The following GALNT7 variants were observed in gnomAD, a reference collection of about 807,000 sequenced individuals.
The protein encoded by GALNT7 is N-acetylgalactosaminyltransferase 7.
Under a neutral mutation model 82.1 loss-of-function variants are expected in GALNT7, and 60 were observed. The ratio of observed to expected loss-of-function variants is 0.73; its 90% CI spans 0.59 to 0.91. GALNT7 has a LOEUF of 0.91. Ranked by LOEUF, GALNT7 falls within the 40% of genes least tolerant of loss-of-function variation. The probability of loss-of-function intolerance (pLI) is 0.00; values close to 1 mark genes in which losing one functional copy is unlikely to be tolerated. For synonymous variants in GALNT7, 243 were observed against 275.1 expected (o/e 0.88, Z 1.15); for missense variants, 660 against 804.2 (o/e 0.82, Z 2.17).
intron 2 of GALNT7, among the ~76,000 whole-genome samples, chr4:173,255,238 C>A (rs1734995349): frequency 6.6e-6 from 1 of 152,012 alleles, no homozygotes; most frequent in Non-Finnish European, 1.5e-5. Flanking sequence ...GCCTTCTTAC[C>A]CTTGATAGGT....
chr4:173,311,848 C>T (rs1337220498), intron 8 of GALNT7, among the ~76,000 whole-genome samples: 6 of 152,112 alleles, frequency 3.9e-5, no homozygotes, highest in Admixed American at 3.9e-4. Context: ...AACCCATGGG[C>T]TTTTGTGACA....
chr4:173,286,633 C>G (rs1165836436), intron 2 of GALNT7, among the ~76,000 whole-genome samples: 1 of 152,176 alleles, frequency 6.6e-6, no homozygotes, highest in Non-Finnish European at 1.5e-5. Flanking sequence ...TTTGGGAAGA[C>G]TGGGGGTTGA....
At chr4:173,236,511 C>T (rs142714838) in intron 1 of GALNT7, among the ~76,000 whole-genome samples, 3 of 152,268 alleles carry the variant, frequency 2.0e-5, no homozygotes, top group African/African-American at 7.2e-5. Context: ...CTCATGGCTC[C>T]CATGTAAGAG....
chr4:173,184,275 C>A (rs796635397), intron 1 of GALNT7, among the ~76,000 whole-genome samples: 22 of 152,004 alleles, frequency 1.4e-4, no homozygotes, highest in African/African-American at 4.8e-4. Context: ...TGTAGCGAGC[C>A]GAGATCACGC....
rs768904419 is a variant in GALNT7 at position 173,295,737 on chromosome 4, TTCTTTCACCTGCC to T, written c.886-21_886-9del. ...TATGATGTAACGTATATGAGGAGTA[TTCTTTCACCTGCC>T]TCTTTTTTTTAAGGTTTTGATATAC... is the stretch of plus-strand genomic sequence containing the variant. On this transcript the variant is annotated splice_polypyrimidine_tract_variant and intron_variant, in intron 4 of 11. Transcript: ENST00000265000. 3 of 1,474,162 alleles carry T rather than the reference TTCTTTCACCTGCC, an allele frequency of 2.0e-6. No homozygotes were observed. In the South Asian group the frequency reaches 3.4e-5, roughly 17 times the overall value. 91.3% of individuals were successfully genotyped at this position (1,474,162 alleles called of 1,614,324 possible). A position where few individuals can be genotyped will look rare whatever the true frequency, so the allele number is the denominator to read the frequency against.
intron 1 of GALNT7, among the ~76,000 whole-genome samples, chr4:173,187,437 C>T (rs555472602): frequency 6.8e-6 from 1 of 148,142 alleles, no homozygotes; most frequent in African/African-American, 2.5e-5. Flanking sequence ...TTGTCATATA[C>T]ACCACATTTG....
At chr4:173,223,038 G>C (rs72995610) in intron 1 of GALNT7, among the ~76,000 whole-genome samples, 3,384 of 152,138 alleles carry the variant, frequency 0.022, 100 homozygotes, top group Admixed American at 0.068. Context: ...TTTCATCCTA[G>C]CCTCAGCACT....
intron 1 of GALNT7, among the ~76,000 whole-genome samples, chr4:173,244,196 C>G (rs758912545): frequency 1.8e-4 from 27 of 152,232 alleles, no homozygotes; most frequent in Admixed American, 3.3e-4. Context: ...CCACAGGGAC[C>G]CTGTGGTCTG....
intron 1 of GALNT7, among the ~76,000 whole-genome samples, chr4:173,176,779 G>A (rs1323411144): frequency 6.6e-6 from 1 of 152,176 alleles, no homozygotes; most frequent in African/African-American, 2.4e-5. Context: ...TGAAAATTGG[G>A]TTGGAGAGGG....
At chr4:173,207,217 A>G (rs1407599977) in intron 1 of GALNT7, among the ~76,000 whole-genome samples, 2 of 152,208 alleles carry the variant, frequency 1.3e-5, no homozygotes, top group Non-Finnish European at 2.9e-5. Flanking sequence ...ATCTGTTGCC[A>G]TTTAACTGGG....
At chr4:173,259,895 C>A (rs886941524) in intron 2 of GALNT7, among the ~76,000 whole-genome samples, 3 of 152,168 alleles carry the variant, frequency 2.0e-5, no homozygotes, top group Non-Finnish European at 4.4e-5. Context: ...ACCTCAGCCT[C>A]CCAAAGTACT....
intron 1 of GALNT7, among the ~76,000 whole-genome samples, chr4:173,183,060 AC>A: frequency 7.6e-6 from 1 of 132,204 alleles, no homozygotes; most frequent in Non-Finnish European, 1.5e-5. Flanking sequence ...ACACACACAC[AC>A]ACACACACAC....
chr4:173,209,718 C>T (rs920002405), intron 1 of GALNT7, among the ~76,000 whole-genome samples: 7 of 152,242 alleles, frequency 4.6e-5, no homozygotes, highest in Non-Finnish European at 1.0e-4. Flanking sequence ...GTCAGGCTCC[C>T]TCTTTCCCAC....
intron 1 of GALNT7, among the ~76,000 whole-genome samples, chr4:173,242,031 T>C (rs1991726): frequency 0.12 from 18,123 of 152,270 alleles, 1,382 homozygotes; most frequent in Non-Finnish European, 0.17. Context: ...AAAGTAACTT[T>C]GGGACGAACT....
At chr4:173,218,190 G>T (rs993747208) in intron 1 of GALNT7, among the ~76,000 whole-genome samples, 3 of 152,090 alleles carry the variant, frequency 2.0e-5, no homozygotes, top group Non-Finnish European at 4.4e-5. Flanking sequence ...TCTTAGCATA[G>T]ACATTTTCTG....
At chr4:173,241,940 GATAAAA>G (rs1029199551) in intron 1 of GALNT7, among the ~76,000 whole-genome samples, 1 of 152,132 alleles carries the variant, frequency 6.6e-6, no homozygotes, top group Non-Finnish European at 1.5e-5. Flanking sequence ...GAAGTCTTGA[GATAAAA>G]ATAAAAGATA....
chr4:173,233,427 C>T (rs1423368772), intron 1 of GALNT7, among the ~76,000 whole-genome samples: 1 of 152,166 alleles, frequency 6.6e-6, no homozygotes, highest in African/African-American at 2.4e-5. Flanking sequence ...AAGAACCTTT[C>T]TGACTCAGAT....
At chr4:173,283,688 A>T (rs1369187212) in intron 2 of GALNT7, among the ~76,000 whole-genome samples, 1 of 151,876 alleles carries the variant, frequency 6.6e-6, no homozygotes, top group Non-Finnish European at 1.5e-5. Flanking sequence ...CAGGTTAGGA[A>T]CCCTGTACAG....
intron 2 of GALNT7, among the ~76,000 whole-genome samples, chr4:173,260,727 C>A (rs1579964753): frequency 1.3e-5 from 2 of 152,122 alleles, no homozygotes; most frequent in Admixed American, 1.3e-4. Flanking sequence ...AAACAAGAGT[C>A]AAGTTCCTAT....
Sources: gnomAD v4.1 joint callset for allele counts (sites outside exome capture counted in the v4.1 genomes callset) on GRCh38, gnomAD v4.1.1 for gene constraint, MANE v1.5 for transcripts, NCBI Gene and HGNC (gene_info 2026-07-23, HGNC 2026-07-21) for gene names.